JCAD: variants seen among roughly 807,000 people sequenced by gnomAD.
JCAD encodes junctional cadherin 5 associated.
In JCAD, 40 loss-of-function variants were observed where a neutral mutation model predicts 98.0. The observed-to-expected ratio is 0.41, with a 90% CI of 0.32 to 0.53. The LOEUF (loss-of-function observed/expected upper bound fraction) is 0.53, where lower values mean the gene tolerates loss of function less well. Among genes scored for constraint, JCAD ranks in the 20% least tolerant of loss-of-function variants. The pLI, the probability that JCAD is intolerant of heterozygous loss-of-function variation, is 0.31. For missense variants in JCAD, 1,705 were observed against 1,738.1 expected (o/e 0.98, Z 0.34); for synonymous variants, 691 against 682.3 (o/e 1.01, Z -0.20).
At position 30,047,695 on chromosome 10, in the gene JCAD, C is replaced by T; in HGVS notation, c.118G>A (p.Gly40Ser). Residue 40 changes from glycine to serine, a missense_variant, in exon 2 of 4, where the codon GGC becomes AGC. Around this residue, in one of 3 missense-constraint regions of JCAD, gnomAD observed 152 missense variants for 148.0 expected, o/e 1.03. Transcript: ENST00000375377. ...RQAARTGTRA[G>S]QGLQNGHEDG... The stretch of plus-strand genomic sequence containing the variant: ...TCATGCCCGTTCTGCAGGCCCTGGC[C>T]TGCTCGTGTCCCAGTCCTCGCTGCC... The T allele has an allele frequency of 6.2e-7, 1 of 1,614,250 alleles. No individual in the cohort carries two copies. The highest frequency in any genetic ancestry group is 1.1e-5 in the South Asian group (1 of 91,082).
intron 1 of JCAD, among the ~76,000 whole-genome samples, chr10:30,089,096 C>A (rs748349300): frequency 2.0e-4 from 31 of 152,184 alleles, no homozygotes; most frequent in Non-Finnish European, 2.5e-4. Context: ...CTCTTAGGTT[C>A]TATGGTGGCA....
At position 30,096,042 on chromosome 10, in the gene JCAD, T is replaced by C. The variant is rs376528986; in HGVS notation, n.128+19325A>G. Reference sequence around the variant, plus strand: ...AAAATGCAGTATTTTGCTTTTTTTGTTTTATTGTCAGTAAAAGTCAAGGTT... The same window carrying C: ...AAAATGCAGTATTTTGCTTTTTTTGCTTTATTGTCAGTAAAAGTCAAGGTT... On this transcript the variant is annotated intron_variant and non_coding_transcript_variant, in intron 1 of 2. Coordinates refer to the JCAD transcript ENST00000465712. Among the ~76,000 whole-genome samples, 12 of 152,326 alleles carry C rather than the reference T, an allele frequency of 7.9e-5. No homozygotes were observed. In the East Asian group the frequency reaches 1.3e-3, roughly 17 times the overall value.
In JCAD at chr10:30,026,578, C is replaced by T; in HGVS notation, c.3570G>A (p.Glu1190=). The T allele has an allele frequency of 6.2e-7, 1 of 1,614,164 alleles. No individual in the cohort carries two copies. The highest frequency in any genetic ancestry group is 8.5e-7 in the Non-Finnish European group (1 of 1,180,034). ...GVVTSTDPVP[E]PEPSPLESKF... Reference sequence around the variant, plus strand: ...TGGACTCCAAGGGGCTGGGCTCAGGCTCAGGGACAGGGTCTGTGCTGGTGA... The same window carrying T: ...TGGACTCCAAGGGGCTGGGCTCAGGTTCAGGGACAGGGTCTGTGCTGGTGA... The change falls in exon 3 of 4, where the codon GAG becomes GAA. Residue 1190 remains glutamate (E), a synonymous_variant. Coordinates refer to ENST00000375377, the MANE Select transcript of JCAD (RefSeq NM_020848.4).
intron 2 of JCAD, among the ~76,000 whole-genome samples, chr10:30,037,890 G>A (rs192124833): frequency 4.8e-5 from 7 of 145,652 alleles, no homozygotes; most frequent in East Asian, 2.0e-4. Context: ...GAACTCCTGC[G>A]CTTGGGTCTG....
At chr10:30,106,390 C>A (rs540198652) in intron 1 of JCAD, among the ~76,000 whole-genome samples, 1 of 151,952 alleles carries the variant, frequency 6.6e-6, no homozygotes, top group South Asian at 2.1e-4. Flanking sequence ...ATGATGGCAC[C>A]ACTGCACTGG....
rs1328391637 is a variant in JCAD at position 30,059,131 on chromosome 10, C to T, written c.-60+351G>A. Among the ~76,000 whole-genome samples, 1 of 151,872 alleles carries T rather than the reference C, an allele frequency of 6.6e-6. No individual in the cohort carries two copies. Among genetic ancestry groups the T allele is most frequent in the Non-Finnish European group, 1.5e-5 (1 of 67,898 alleles). On this transcript the variant is annotated intron_variant, in intron 1 of 3. Coordinates refer to ENST00000375377, the MANE Select transcript of JCAD (RefSeq NM_020848.4). The surrounding 1 kb of genome is among the most constrained non-coding windows in gnomAD (Gnocchi z 5.0). ...AGTGAGTGACCCCGGCCCCCCAGGC[C>T]CTCCGCGCGCCGAGGGGCGACGCGA...
chr10:30,098,243 G>A (rs532361995), intron 1 of JCAD, among the ~76,000 whole-genome samples: 5 of 152,170 alleles, frequency 3.3e-5, no homozygotes, highest in Admixed American at 2.0e-4. Flanking sequence ...TAGGCTGATC[G>A]TCCTTCTGCT....
In JCAD at chr10:30,059,496, A is replaced by T. The variant is rs1174438876; in HGVS notation, c.-74T>A. 6.6e-6 allele frequency: 1 copy of T among 151,340 alleles called. No homozygotes were observed. Among genetic ancestry groups the T allele is most frequent in the African/African-American group, 2.4e-5 (1 of 41,206 alleles). The allele number at this position is 151,340 out of a possible 1,614,324, so 9.4% of individuals were successfully genotyped here. On this transcript the variant is annotated 5_prime_UTR_variant, in exon 1 of 4. An upstream start codon of the reference 5' UTR is lost. Coordinates refer to ENST00000375377, the MANE Select transcript of JCAD (RefSeq NM_020848.4). The surrounding 1 kb of genome is among the most constrained non-coding windows in gnomAD (Gnocchi z 5.0). ...CCGGGACTTACCGAGCGGCTCCCTC[A>T]TGCCGCCTCGCGCCGCCACCGCCGC...
At chr10:30,050,373 A>G (rs1279962488) in intron 1 of JCAD, among the ~76,000 whole-genome samples, 2 of 151,834 alleles carry the variant, frequency 1.3e-5, no homozygotes, top group African/African-American at 4.8e-5. Context: ...ATGGCTTAGT[A>G]ACAGAATCCT....
At chr10:30,073,175 C>T (rs1189380190) in intron 1 of JCAD, among the ~76,000 whole-genome samples, 8 of 152,166 alleles carry the variant, frequency 5.3e-5, no homozygotes, top group East Asian at 3.8e-4. Flanking sequence ...GGAAGAAGTA[C>T]GTAGGCTTTG....
rs1027457965 is a variant in JCAD, at chr10:30,014,005, T to G, written c.*3878A>C. On this transcript the variant is annotated 3_prime_UTR_variant, in exon 4 of 4. Coordinates refer to ENST00000375377, the MANE Select transcript of JCAD (RefSeq NM_020848.4). ...TGGTCTTAATGACTCCCTTTTTATT[T>G]CTTTCCAACAAAACCTGCAGGCTGG... The G allele has an allele frequency of 2.0e-5, 3 of 152,208 alleles. No homozygotes were observed. The highest frequency in any genetic ancestry group is 4.4e-5 in the Non-Finnish European group (3 of 68,044). 9.4% of individuals were successfully genotyped at this position (152,208 alleles called of 1,614,324 possible). A position where few individuals can be genotyped will look rare whatever the true frequency, so the allele number is the denominator to read the frequency against.
At chr10:30,073,000 C>T (rs887519518) in intron 1 of JCAD, among the ~76,000 whole-genome samples, 1 of 152,224 alleles carries the variant, frequency 6.6e-6, no homozygotes, top group Non-Finnish European at 1.5e-5. Context: ...CCAGTCCTAA[C>T]ATTCACTTTA....
At chr10:30,041,956 T>TGCCTACTTCCTCTTA (rs1318441402) in intron 2 of JCAD, among the ~76,000 whole-genome samples, 3 of 152,346 alleles carry the variant, frequency 2.0e-5, no homozygotes, top group Non-Finnish European at 4.4e-5. Flanking sequence ...TTTTCCTCTT[T>TGCCTACTTCCTCTTA]GCCTACTTCC....
chr10:30,036,092 CCTT>C (rs1375156807), intron 2 of JCAD, among the ~76,000 whole-genome samples: 3 of 152,344 alleles, frequency 2.0e-5, no homozygotes, highest in South Asian at 4.1e-4. Flanking sequence ...TCACATGACT[CCTT>C]CTCAACCACA....
At chr10:30,062,584 A>T (rs913478200), upstream of JCAD, among the ~76,000 whole-genome samples, 2 of 152,190 alleles carry the variant, frequency 1.3e-5, no homozygotes, top group African/African-American at 2.4e-5. Context: ...AGACTGGGTA[A>T]TTTATTAAGG....
At chr10:30,049,784 G>A (rs1443548898) in intron 1 of JCAD, among the ~76,000 whole-genome samples, 1 of 152,152 alleles carries the variant, frequency 6.6e-6, no homozygotes, top group Non-Finnish European at 1.5e-5. Context: ...AGGGCTTTAG[G>A]AACACAGAGT....
In JCAD at chr10:30,028,770, C is replaced by T. The variant is rs1836908781; in HGVS notation, c.1378G>A (p.Ala460Thr). The T allele has an allele frequency of 1.2e-6, 2 of 1,614,112 alleles. No homozygotes were observed. The highest frequency in any genetic ancestry group is 2.2e-5 in the South Asian group (2 of 91,092). The change falls in exon 3 of 4, where the codon GCT becomes ACT. Residue 460 changes from alanine to threonine, a missense_variant. By Grantham distance (58) the Ala-to-Thr change is moderately conservative. Transcript: ENST00000375377. Reference protein sequence around the residue: ...DKSYNSSPVTAQEPAHGGMQP... With the variant: ...DKSYNSSPVTTQEPAHGGMQP... The stretch of plus-strand genomic sequence containing the variant: ...ATTCCTCCATGAGCCGGCTCTTGAG[C>T]AGTGACAGGACTGGAGTTATATGAT...
rs1036007274 is a variant in JCAD at position 30,014,522 on chromosome 10, T to A, written c.*3361A>T. The A allele has an allele frequency of 6.6e-6, 1 of 152,148 alleles. No homozygotes were observed. Among genetic ancestry groups the A allele is most frequent in the African/African-American group, 2.4e-5 (1 of 41,428 alleles). 9.4% of individuals were successfully genotyped at this position (152,148 alleles called of 1,614,324 possible). The stretch of plus-strand genomic sequence containing the variant: ...TTTAATCATTTAAAACAAACAATAA[T>A]AAAAAACTCAGCCAGAACACGCAAA... On this transcript the variant is annotated 3_prime_UTR_variant, in exon 4 of 4. Coordinates refer to ENST00000375377, the MANE Select transcript of JCAD (RefSeq NM_020848.4).
intron 1 of JCAD, among the ~76,000 whole-genome samples, chr10:30,113,548 CA>C (rs71023545): frequency 7.0e-3 from 111 of 15,948 alleles, no homozygotes; most frequent in South Asian, 0.015. Context: ...GAGACACTGT[CA>C]AAAAAAAAAA....
Sources: gnomAD v4.1 joint callset for allele counts (sites outside exome capture counted in the v4.1 genomes callset) on GRCh38, gnomAD v4.1.1 for gene constraint, gnomAD v4.1.1 regional missense constraint, Gnocchi (gnomAD v3.1) non-coding constraint, MANE v1.5 for transcripts, NCBI Gene and HGNC (gene_info 2026-07-23, HGNC 2026-07-21) for gene names.